The following RPLP0 variants were observed in gnomAD, a reference collection of about 807,000 sequenced individuals.
The protein encoded by RPLP0 is ribosomal protein lateral stalk subunit P0, also known as large ribosomal subunit protein uL10.
For synonymous variants in RPLP0, 137 were observed against 153.4 expected (o/e 0.89, Z 0.79); for missense variants, 276 against 402.9 (o/e 0.69, Z 2.70).
chr12:120,197,976 C>T (rs913996425), intron 6 of RPLP0, among the ~76,000 whole-genome samples: 6 of 151,966 alleles, frequency 3.9e-5, no homozygotes, highest in South Asian at 4.1e-4. Flanking sequence ...TCACTCAGGC[C>T]GGAGTGCAGT....
intron 7 of RPLP0, 56 bp from the exon 8 acceptor site, chr12:120,196,990 C>A: frequency 6.2e-7 from 1 of 1,605,284 alleles, no homozygotes. Context: ...TATTACCCAC[C>A]ACCCTCCTGC....
chr12:120,199,532 G>A lies in RPLP0; in HGVS notation c.55-47C>T, dbSNP rs1386151116. ...AGCCAAGTTTAACAGGAAGAGAGAG[G>A]GAAAAAATGCCAGAAGAAACTGAAC... On this transcript the variant is annotated intron_variant, in intron 2 of 7. Transcript: ENST00000392514. 6.4e-6 allele frequency: 10 copies of A among 1,565,988 alleles called. No homozygotes were observed. The Admixed American group carries it at 9.4e-5, about 15-fold the overall frequency.
At position 120,196,782 on chromosome 12, in the gene RPLP0, G is replaced by T; in HGVS notation, c.945C>A (p.Leu315=). 1.3e-6 allele frequency: 2 copies of T among 1,565,458 alleles called. No individual in the cohort carries two copies. The highest frequency in any genetic ancestry group is 1.7e-6 in the Non-Finnish European group (2 of 1,150,638). The stretch of plus-strand genomic sequence containing the variant: ...GGTTGCTTTTTGGTGATTAGTCAAA[G>T]AGACCAAATCCCATATCCTCGTCCG... ...EESDEDMGFG[L]FD The change falls in exon 8 of 8, where the codon CTC becomes CTA. Residue 315 remains leucine (L), a synonymous_variant. Transcript: ENST00000392514.
Position 120,198,613 on chromosome 12 carries a change from T to C in RPLP0, c.592A>G (p.Ile198Val). The C allele has an allele frequency of 6.2e-7, 1 of 1,614,070 alleles. No individual in the cohort carries two copies. Among genetic ancestry groups the C allele is most frequent in the Non-Finnish European group, 8.5e-7 (1 of 1,180,032 alleles). Residue 198 changes from isoleucine (I) to valine (V), a missense_variant, in exon 6 of 8, where the codon ATC becomes GTC. Physicochemically the swap from Ile to Val is conservative, Grantham distance 29 (BLOSUM62 3). Transcript: ENST00000392514. The surrounding 1 kb of genome is among the most constrained non-coding windows in gnomAD (Gnocchi z 4.1). ...ATATCAAGCACTTCAGGGTTGTAGA[T>C]GCTGCCATTGTCGAACACCTGCTGG... ...VIQQVFDNGS[I>V]YNPEVLDITE...
At chr12:120,199,773 G>A (rs1485447921) in intron 2 of RPLP0, 1 of 392,336 alleles carries the variant, frequency 2.5e-6, no homozygotes, top group East Asian at 5.9e-5. Flanking sequence ...TCACTAAAAT[G>A]GTTAACAGGA....
chr12:120,200,597 A>T, intron 2 of RPLP0, 133 bp downstream of exon 2: 1 of 958,104 alleles, frequency 1.0e-6, no homozygotes, highest in Non-Finnish European at 1.5e-6. Context: ...GGAAATTGTT[A>T]ACTAAACAGT....
intron 7 of RPLP0, 83 bp downstream of exon 7, chr12:120,197,239 T>TA: frequency 7.8e-7 from 1 of 1,281,722 alleles, no homozygotes; most frequent in Non-Finnish European, 1.1e-6. Flanking sequence ...AATACAACTA[T>TA]AAAAGCAGTA....
Position 120,201,070 on chromosome 12 carries a change from C to G in RPLP0, c.-49+13G>C, listed in dbSNP as rs1367851106. On this transcript the variant is annotated intron_variant, in intron 1 of 7. Transcript: ENST00000392514. ...CCGGCGACCCCTGGCGCCCATCTAA[C>G]TAGCACACGAACCTTCCACGAGGAC... 9.6e-6 allele frequency: 4 copies of G among 417,280 alleles called. No homozygotes were observed. Among genetic ancestry groups the G allele is most frequent in the Admixed American group, 4.3e-5 (1 of 23,350 alleles). 25.8% of individuals were successfully genotyped at this position (417,280 alleles called of 1,614,324 possible).
At chr12:120,200,190 C>T in intron 2 of RPLP0, 1 of 442,082 alleles carries the variant, frequency 2.3e-6, no homozygotes. Flanking sequence ...TGCGGCCGGG[C>T]GCGGTGGCTC....
Position 120,198,321 on chromosome 12 carries a change from T to C in RPLP0, c.651+233A>G, listed in dbSNP as rs1879262146. Reference sequence around the variant, plus strand: ...AATGGTGTGAACCCGGAGGCGGAGCTTGCAGTGAGCCGGGAGATTGTGCCA... The same window carrying C: ...AATGGTGTGAACCCGGAGGCGGAGCCTGCAGTGAGCCGGGAGATTGTGCCA... On this transcript the variant is annotated intron_variant, in intron 6 of 7. Transcript: ENST00000392514. This position sits in a 1 kb window ranked among gnomAD's most constrained non-coding sequence, Gnocchi z 4.1. The C allele has an allele frequency of 8.0e-6, 4 of 501,156 alleles. No individual in the cohort carries two copies. The highest frequency in any genetic ancestry group is 4.3e-5 in the South Asian group (2 of 46,562). 31.0% of individuals were successfully genotyped at this position (501,156 alleles called of 1,614,324 possible).
At position 120,198,187 on chromosome 12, in the gene RPLP0, G is replaced by A. The variant is rs1248060194; in HGVS notation, c.651+367C>T. On this transcript the variant is annotated intron_variant, in intron 6 of 7. Coordinates refer to ENST00000392514, the MANE Select transcript of RPLP0 (RefSeq NM_001002.4). The surrounding 1 kb of genome is among the most constrained non-coding windows in gnomAD (Gnocchi z 4.1). ...AGTTGGGCGGATCACGAGGTCAGGA[G>A]ATCGACACCATCCTGGCTAACGCGG... is the stretch of plus-strand genomic sequence containing the variant. 6.6e-6 allele frequency among the ~76,000 whole-genome samples: 1 copy of A among 152,180 alleles called. No individual in the cohort carries two copies. The highest frequency in any genetic ancestry group is 1.5e-5 in the Non-Finnish European group (1 of 68,032).
At chr12:120,200,378 G>A in intron 2 of RPLP0, 1 of 323,138 alleles carries the variant, frequency 3.1e-6, no homozygotes, top group South Asian at 2.6e-5. Context: ...CAGGAGAATC[G>A]CTTGAACCTG....
In RPLP0 at chr12:120,196,701, C is replaced by T; in HGVS notation, c.*72G>A. The stretch of plus-strand genomic sequence containing the variant: ...AATTACAAAATTAAGAGTCCAGAGA[C>T]TTTTTAAAGAAGTAAGCCTTTATTT... On this transcript the variant is annotated 3_prime_UTR_variant, in exon 8 of 8. Coordinates refer to ENST00000392514, the MANE Select transcript of RPLP0 (RefSeq NM_001002.4). 1 of 1,499,210 alleles carries T rather than the reference C, an allele frequency of 6.7e-7. No individual in the cohort carries two copies. Among genetic ancestry groups the T allele is most frequent in the Non-Finnish European group, 8.9e-7 (1 of 1,121,564 alleles). The allele number at this position is 1,499,210 out of a possible 1,614,324, so 92.9% of individuals were successfully genotyped here. A position where few individuals can be genotyped will look rare whatever the true frequency, so the allele number is the denominator to read the frequency against.
At chr12:120,197,065 C>T in intron 7 of RPLP0, 131 bp from the exon 8 acceptor site, 1 of 1,476,658 alleles carries the variant, frequency 6.8e-7, no homozygotes, top group Non-Finnish European at 9.3e-7. Context: ...CAGAAGCAGC[C>T]CAAGCAGGAC....
chr12:120,197,606 A>C (rs1879232242), intron 6 of RPLP0, 144 bp from the exon 7 acceptor site: 4 of 933,292 alleles, frequency 4.3e-6, no homozygotes, highest in Non-Finnish European at 4.9e-6. Context: ...TCTCATACCA[A>C]ATGCTCCTGG....
At chr12:120,199,564 A>G (rs1879324826) in intron 2 of RPLP0, 79 bp from the exon 3 acceptor site, 1 of 1,416,196 alleles carries the variant, frequency 7.1e-7, no homozygotes. Flanking sequence ...GAACCCCACA[A>G]TTTGTTTCCA....
At position 120,200,637 on chromosome 12, in the gene RPLP0, C is replaced by CCGGTGTGA. The variant is rs1879409282; in HGVS notation, c.54+85_54+92dup. 16 of 1,366,980 alleles carry CCGGTGTGA rather than the reference C, an allele frequency of 1.2e-5. No individual in the cohort carries two copies. In the South Asian group the frequency reaches 2.0e-4, roughly 17 times the overall value. The allele number at this position is 1,366,980 out of a possible 1,614,324, so 84.7% of individuals were successfully genotyped here. On this transcript the variant is annotated intron_variant, in intron 2 of 7. Transcript: ENST00000392514. ...TCCCAAAAATGGCCTAATTCAGTAG[C>CCGGTGTGA]CGGTGTGAGTAGACCCTCAGCACAT...
intron 4 of RPLP0, 57 bp downstream of exon 4, chr12:120,199,061 A>G (rs1879294999): frequency 6.2e-7 from 1 of 1,612,050 alleles, no homozygotes; most frequent in East Asian, 2.2e-5. Context: ...AGAATGGTCC[A>G]TTTTGCTTTA....
chr12:120,200,937 G>A (rs1271355293), intron 1 of RPLP0, 106 bp from the exon 2 acceptor site: 1 of 1,354,960 alleles, frequency 7.4e-7, no homozygotes, highest in Non-Finnish European at 9.7e-7. Context: ...CCCTGCCTAG[G>A]GCAGCGGCCG....
Sources: gnomAD v4.1 joint callset for allele counts (sites outside exome capture counted in the v4.1 genomes callset) on GRCh38, gnomAD v4.1.1 for gene constraint, Gnocchi (gnomAD v3.1) non-coding constraint, MANE v1.5 for transcripts, NCBI Gene and HGNC (gene_info 2026-07-23, HGNC 2026-07-21) for gene names.